Variants in ZBTB41 observed in about 807,000 individuals in gnomAD.
ZBTB41 encodes the protein zinc finger and BTB domain containing 41, also known as zinc finger and BTB domain-containing protein 41.
In ZBTB41, 42 loss-of-function variants were observed where a neutral mutation model predicts 87.6. The ratio of observed to expected loss-of-function variants is 0.48; its 90% CI spans 0.37 to 0.62. The LOEUF is 0.62. ZBTB41 is among the 20% of genes least tolerant of loss of function. ZBTB41 has a pLI of 0.00. For synonymous variants in ZBTB41, 364 were observed against 364.0 expected, an observed-to-expected ratio of 1.00 and a Z score of 0.00; for missense variants, 799 against 1,078.9, an observed-to-expected ratio of 0.74 and a Z score of 3.63.
chr1:197,183,021 A>C lies in ZBTB41; in HGVS notation c.1547-1904T>G, dbSNP rs551330884. Among the ~76,000 whole-genome samples the C allele has an allele frequency of 8.3e-4, 126 of 152,216 alleles. No individual in the cohort carries two copies. The Middle Eastern group carries it at 0.014, about 16-fold the overall frequency. The stretch of plus-strand genomic sequence containing the variant: ...GGAATGCAAAAGAAGCTCTCTCTAT[A>C]TATATATAATATTGCTTTGAGTATT... On this transcript the variant is annotated intron_variant, in intron 5 of 10. Coordinates refer to ENST00000367405, the MANE Select transcript of ZBTB41 (RefSeq NM_194314.3).
intron 3 of ZBTB41, among the ~76,000 whole-genome samples, chr1:197,191,391 A>G (rs1181755534): frequency 6.9e-6 from 1 of 145,976 alleles, no homozygotes; most frequent in African/African-American, 2.6e-5. Context: ...CAGGAGTTAG[A>G]GGTTGCAGTG....
chr1:197,195,827 A>G (rs1047231982), intron 2 of ZBTB41, among the ~76,000 whole-genome samples: 1 of 152,220 alleles, frequency 6.6e-6, no homozygotes, highest in Non-Finnish European at 1.5e-5. Flanking sequence ...AGAGGAAGAC[A>G]GCCGGTAGCC....
At chr1:197,195,720 C>T (rs1660146509) in intron 2 of ZBTB41, among the ~76,000 whole-genome samples, 1 of 152,084 alleles carries the variant, frequency 6.6e-6, no homozygotes, top group African/African-American at 2.4e-5. Flanking sequence ...TTCTCTCTCA[C>T]CCCATCTGTC....
chr1:197,193,081 T>G (rs1336065796), intron 2 of ZBTB41, among the ~76,000 whole-genome samples: 1 of 152,178 alleles, frequency 6.6e-6, no homozygotes, highest in Admixed American at 6.5e-5. Flanking sequence ...GCATATCTGA[T>G]ATGCATATAG....
At position 197,154,099 on chromosome 1, in the gene ZBTB41, T is replaced by C. The variant is rs1270733845; in HGVS notation, c.*5260A>G. ...ATCAATTGTAATACAGTTTTATCAA[T>C]AGGGATAAGAAGAGTTCAATCGTTA... On this transcript the variant is annotated 3_prime_UTR_variant, in exon 11 of 11. Coordinates refer to ENST00000367405, the MANE Select transcript of ZBTB41 (RefSeq NM_194314.3). The C allele has an allele frequency of 6.6e-6, 1 of 152,548 alleles. No homozygotes were observed. The highest frequency in any genetic ancestry group is 1.5e-5 in the Non-Finnish European group (1 of 67,970). 9.4% of individuals were successfully genotyped at this position (152,548 alleles called of 1,614,324 possible).
intron 10 of ZBTB41, among the ~76,000 whole-genome samples, chr1:197,165,406 G>C (rs1374521242): frequency 2.0e-5 from 3 of 151,842 alleles, no homozygotes; most frequent in Non-Finnish European, 4.4e-5. Flanking sequence ...TCAGGAGATC[G>C]AGACCATCCT....
intron 7 of ZBTB41, among the ~76,000 whole-genome samples, chr1:197,178,068 G>A (rs1659655242): frequency 6.6e-6 from 1 of 151,822 alleles, no homozygotes; most frequent in Non-Finnish European, 1.5e-5. Flanking sequence ...TTTTTACTTT[G>A]TCTTACTTTC....
intron 4 of ZBTB41, among the ~76,000 whole-genome samples, chr1:197,189,980 G>A (rs887088946): frequency 6.6e-6 from 1 of 152,108 alleles, no homozygotes; most frequent in Non-Finnish European, 1.5e-5. Flanking sequence ...GTGCAGTGGT[G>A]TCATCTTGGC....
rs764764607 is a variant in ZBTB41, at chr1:197,200,413, C to A, written c.61G>T (p.Asp21Tyr). 1 of 1,612,804 alleles carries A rather than the reference C, an allele frequency of 6.2e-7. No homozygotes were observed. Among genetic ancestry groups the A allele is most frequent in the Non-Finnish European group, 8.5e-7 (1 of 1,179,700 alleles). The change falls in exon 2 of 11, where the codon GAT (aspartate) becomes TAT (tyrosine). Residue 21 changes from aspartate to tyrosine, a missense_variant. This residue lies in a region of ZBTB41 where 77 missense variants were observed against 68.4 expected (regional missense o/e 1.13). Transcript: ENST00000367405. ...LEKIHLGYHK[D>Y]SSEGNVAVEC... ...ACTGCAACATTTCCTTCTGAAGAAT[C>A]TTTATGATAGCCTAGATGGATCTTC...
Position 197,158,458 on chromosome 1 carries a change from T to A in ZBTB41, c.*901A>T, listed in dbSNP as rs1174874427. Reference sequence around the variant, plus strand: ...CAAGTAAATGAAATCAAAAGTAGCATGTTTAATTAAATTTCATTGAGTTAC... The same window carrying A: ...CAAGTAAATGAAATCAAAAGTAGCAAGTTTAATTAAATTTCATTGAGTTAC... On this transcript the variant is annotated 3_prime_UTR_variant, in exon 11 of 11. Coordinates refer to ENST00000367405, the MANE Select transcript of ZBTB41 (RefSeq NM_194314.3). 6.6e-6 allele frequency: 1 copy of A among 152,446 alleles called. No individual in the cohort carries two copies. Among genetic ancestry groups the A allele is most frequent in the Non-Finnish European group, 1.5e-5 (1 of 67,906 alleles). The allele number at this position is 152,446 out of a possible 1,614,324, so 9.4% of individuals were successfully genotyped here.
chr1:197,180,890 TTG>T, intron 6 of ZBTB41, 96 bp downstream of exon 6: 3 of 1,302,224 alleles, frequency 2.3e-6, no homozygotes, highest in East Asian at 2.6e-5. Context: ...TTCATGCATT[TTG>T]TGTCTTATGT....
At chr1:197,165,845 G>A (rs953095775) in intron 10 of ZBTB41, among the ~76,000 whole-genome samples, 1 of 152,204 alleles carries the variant, frequency 6.6e-6, no homozygotes, top group Non-Finnish European at 1.5e-5. Context: ...GCAGCTCCCA[G>A]CAAGATCAAC....
At chr1:197,180,015 C>T (rs571502832) in intron 6 of ZBTB41, among the ~76,000 whole-genome samples, 1 of 152,112 alleles carries the variant, frequency 6.6e-6, no homozygotes, top group African/African-American at 2.4e-5. Flanking sequence ...ATGTCCGCGG[C>T]CTTCACATTC....
chr1:197,198,087 C>T (rs758912580), intron 2 of ZBTB41, among the ~76,000 whole-genome samples: 60 of 152,332 alleles, frequency 3.9e-4, no homozygotes, highest in Non-Finnish European at 6.8e-4. Flanking sequence ...CACCTCTATA[C>T]ATATCTTCAC....
At chr1:197,168,035 T>C (rs1035596440) in intron 10 of ZBTB41, among the ~76,000 whole-genome samples, 1 of 151,934 alleles carries the variant, frequency 6.6e-6, no homozygotes. Context: ...AAGCTAGGGG[T>C]AAACTATAAA....
chr1:197,191,713 G>T lies in ZBTB41; in HGVS notation c.1307C>A (p.Thr436Asn), dbSNP rs760574157. 5.6e-6 allele frequency: 9 copies of T among 1,612,588 alleles called. No individual in the cohort carries two copies. The East Asian group carries it at 1.8e-4, about 32-fold the overall frequency. ...TTGCCTCTTAACATGCTTGGCTAAA[G>T]TCTTCTTGCTTGCATGAAGTTTATT... Reference protein sequence around the residue: ...YCNKLHASKKTLAKHVKRFHP... With the variant: ...YCNKLHASKKNLAKHVKRFHP... Residue 436 changes from threonine to asparagine, a missense_variant, in exon 3 of 11, where the codon ACT (threonine) becomes AAT (asparagine). Transcript: ENST00000367405.
chr1:197,184,282 A>G (rs1307427712), intron 5 of ZBTB41, among the ~76,000 whole-genome samples: 1 of 152,232 alleles, frequency 6.6e-6, no homozygotes, highest in Non-Finnish European at 1.5e-5. Context: ...AGTAAAGGCA[A>G]TTTGGAGAGA....
chr1:197,170,848 A>G (rs550086303), intron 10 of ZBTB41, among the ~76,000 whole-genome samples: 66 of 152,268 alleles, frequency 4.3e-4, no homozygotes, highest in African/African-American at 1.5e-3. Flanking sequence ...GCCCTCAACA[A>G]GTATTTGCTG....
chr1:197,182,646 C>T (rs72738655), intron 5 of ZBTB41, among the ~76,000 whole-genome samples: 4,603 of 152,238 alleles, frequency 0.03, 101 homozygotes, highest in Non-Finnish European at 0.052. Flanking sequence ...AATTCTTCTC[C>T]TTTAACTGTT....
Sources: gnomAD v4.1 joint callset for allele counts (sites outside exome capture counted in the v4.1 genomes callset) on GRCh38, gnomAD v4.1.1 for gene constraint, gnomAD v4.1.1 regional missense constraint, MANE v1.5 for transcripts, NCBI Gene and HGNC (gene_info 2026-07-23, HGNC 2026-07-21) for gene names.